TGFBR3: variants seen among roughly 807,000 people sequenced by gnomAD.
The protein encoded by TGFBR3 is transforming growth factor beta receptor 3, also known as transforming growth factor beta receptor type 3.
TGFBR3 carries 46 observed loss-of-function variants against 87.9 expected under a neutral mutation model. The ratio of observed to expected loss-of-function variants is 0.52; its 90% CI spans 0.41 to 0.67. The LOEUF is 0.67. TGFBR3 is among the 30% of genes least tolerant of loss of function. The probability of loss-of-function intolerance (pLI) is 0.00; values close to 1 mark genes in which losing one functional copy is unlikely to be tolerated. For missense variants in TGFBR3, 866 were observed against 1,041.9 expected (o/e 0.83, Z 2.32); for synonymous variants, 381 against 391.6 (o/e 0.97, Z 0.32).
At chr1:91,873,409 A>G (rs1678664675) in intron 1 of TGFBR3, among the ~76,000 whole-genome samples, 1 of 150,178 alleles carries the variant, frequency 6.7e-6, no homozygotes. Context: ...CTGCCTCCCA[A>G]GTAGCTGGGA....
At chr1:91,775,340 C>T (rs1259504863) in intron 3 of TGFBR3, among the ~76,000 whole-genome samples, 2 of 152,240 alleles carry the variant, frequency 1.3e-5, no homozygotes, top group East Asian at 3.8e-4. Context: ...TCCCACCACT[C>T]TCCCCCTTGC....
intron 2 of TGFBR3, among the ~76,000 whole-genome samples, chr1:91,896,470 G>A (rs1471957387): frequency 6.6e-6 from 1 of 152,148 alleles, no homozygotes; most frequent in Non-Finnish European, 1.5e-5. Context: ...GAGGGAACCG[G>A]GACCAATTTG....
intron 2 of TGFBR3, among the ~76,000 whole-genome samples, chr1:91,806,667 A>G (rs1675845436): frequency 6.6e-6 from 1 of 152,184 alleles, no homozygotes; most frequent in African/African-American, 2.4e-5. Flanking sequence ...CAGCTGTAAT[A>G]AAAGTGGTAA....
In TGFBR3 at chr1:91,832,511, G is replaced by A. The variant is rs559929508; in HGVS notation, c.61+28960C>T. ...CATGTTTATTCCTCACAACAACCTTGAGATACACTATTATTGGCCGCACTT... is the reference window on the plus strand; with the variant it reads ...CATGTTTATTCCTCACAACAACCTTAAGATACACTATTATTGGCCGCACTT... On this transcript the variant is annotated intron_variant, in intron 2 of 16. Transcript: ENST00000212355. Among the ~76,000 whole-genome samples the A allele has an allele frequency of 3.3e-5, 5 of 152,238 alleles. No homozygotes were observed. In the East Asian group the frequency reaches 7.7e-4, roughly 24 times the overall value.
chr1:91,895,777 GA>G (rs981794507), intron 2 of TGFBR3, among the ~76,000 whole-genome samples: 10 of 152,024 alleles, frequency 6.6e-5, no homozygotes, highest in Non-Finnish European at 2.9e-5. Flanking sequence ...ATGTAACAAT[GA>G]AAAAAACTCA....
intron 14 of TGFBR3, among the ~76,000 whole-genome samples, chr1:91,704,425 G>C (rs1431894430): frequency 3.3e-5 from 5 of 152,080 alleles, no homozygotes; most frequent in Admixed American, 6.6e-5. Context: ...CTAGTTTTCA[G>C]TAAAAACTAG....
At chr1:91,749,744 C>A (rs1405137736) in intron 4 of TGFBR3, among the ~76,000 whole-genome samples, 1 of 152,192 alleles carries the variant, frequency 6.6e-6, no homozygotes, top group East Asian at 1.9e-4. Context: ...GGCACAGCCA[C>A]AGCCTTCAAG....
In TGFBR3 at chr1:91,717,884, T is replaced by A. The variant is rs969663625; in HGVS notation, c.1567-1176A>T. ...TCCTGAAGCAACTGACTTTTTTTTT[T>A]TTTTATTTTTTCTTAACAGACATAT... is the stretch of plus-strand genomic sequence containing the variant. On this transcript the variant is annotated intron_variant, in intron 10 of 16. Coordinates refer to ENST00000212355, the MANE Select transcript of TGFBR3 (RefSeq NM_003243.5). 4.6e-5 allele frequency among the ~76,000 whole-genome samples: 7 copies of A among 151,978 alleles called. No individual in the cohort carries two copies. In the East Asian group the frequency reaches 5.8e-4, roughly 13 times the overall value.
rs1338531267 is a variant in TGFBR3 at position 91,686,358 on chromosome 1, C to T, written c.2438-2501G>A. On this transcript the variant is annotated intron_variant, in intron 16 of 16. Transcript: ENST00000212355. ...CTTCAAAACAAAACCCCAAACAAAA[C>T]AAAGAAGCCTCCGCACTCAAGACTG... 2.0e-5 allele frequency among the ~76,000 whole-genome samples: 3 copies of T among 152,160 alleles called. No homozygotes were observed. In the East Asian group the frequency reaches 5.8e-4, roughly 29 times the overall value.
chr1:91,859,823 C>A (rs977462686), intron 2 of TGFBR3, among the ~76,000 whole-genome samples: 1 of 150,808 alleles, frequency 6.6e-6, no homozygotes, highest in Non-Finnish European at 1.5e-5. Context: ...GCAGGAGAAT[C>A]GCTTGAACCC....
intron 2 of TGFBR3, among the ~76,000 whole-genome samples, chr1:91,803,750 C>T (rs1211849503): frequency 6.6e-6 from 1 of 151,860 alleles, no homozygotes; most frequent in Non-Finnish European, 1.5e-5. Context: ...CTGTTCCTTC[C>T]CACCACCATG....
intron 1 of TGFBR3, among the ~76,000 whole-genome samples, chr1:91,901,870 G>A (rs535366176): frequency 3.0e-4 from 44 of 148,986 alleles, no homozygotes; most frequent in African/African-American, 6.2e-4. Flanking sequence ...CTATAAACAC[G>A]CCACTGCACC....
chr1:91,881,554 T>G (rs899278401), intron 1 of TGFBR3, among the ~76,000 whole-genome samples: 3 of 152,028 alleles, frequency 2.0e-5, no homozygotes, highest in Non-Finnish European at 2.9e-5. Flanking sequence ...AGGTTATAAG[T>G]GTTTGTTGAA....
At chr1:91,712,171 C>G in intron 13 of TGFBR3, 72 bp downstream of exon 13, 1 of 1,436,396 alleles carries the variant, frequency 7.0e-7, no homozygotes, top group Non-Finnish European at 9.7e-7. Flanking sequence ...CCTGCAAGAC[C>G]TTGGGATTAA....
intron 2 of TGFBR3, among the ~76,000 whole-genome samples, chr1:91,808,667 T>C (rs1675923761): frequency 6.6e-6 from 1 of 152,124 alleles, no homozygotes; most frequent in African/African-American, 2.4e-5. Flanking sequence ...GGTTTCACCA[T>C]GTTGGCCAGG....
intron 3 of TGFBR3, among the ~76,000 whole-genome samples, chr1:91,789,251 G>A (rs1020538418): frequency 2.6e-5 from 4 of 152,162 alleles, no homozygotes; most frequent in African/African-American, 9.7e-5. Context: ...AGGTTGCAGT[G>A]AGCCAAGATC....
intron 14 of TGFBR3, among the ~76,000 whole-genome samples, chr1:91,705,757 C>CGG (rs1368235160): frequency 6.6e-6 from 1 of 152,206 alleles, no homozygotes; most frequent in African/African-American, 2.4e-5. Context: ...TTAACCGCCT[C>CGG]AATTTATTTA....
At chr1:91,684,482 G>A (rs1167494193) in intron 16 of TGFBR3, among the ~76,000 whole-genome samples, 2 of 152,200 alleles carry the variant, frequency 1.3e-5, no homozygotes, top group African/African-American at 4.8e-5. Flanking sequence ...GTTTGCACAT[G>A]GGGACTGCAG....
At chr1:91,770,656 G>A (rs1035587784) in intron 3 of TGFBR3, among the ~76,000 whole-genome samples, 2 of 152,040 alleles carry the variant, frequency 1.3e-5, no homozygotes, top group African/African-American at 4.8e-5. Flanking sequence ...CAAAAATTAG[G>A]TTAAAAAATA....
Sources: allele counts gnomAD v4.1 joint callset (sites outside exome capture counted in the v4.1 genomes callset), GRCh38; gene constraint gnomAD v4.1.1; transcripts MANE v1.5; gene names NCBI Gene and HGNC (gene_info 2026-07-23, HGNC 2026-07-21).